The following FGF13 variants were observed in gnomAD, a reference collection of about 807,000 sequenced individuals.
The protein encoded by FGF13 is fibroblast growth factor 13, also known as fibroblast growth factor homologous factor 2.
In FGF13, 2 loss-of-function variants were observed where a neutral mutation model predicts 19.5. That is an observed-to-expected ratio of 0.10 (90% confidence interval 0.04 to 0.32). The LOEUF is 0.32. Among genes scored for constraint, FGF13 ranks in the 10% least tolerant of loss-of-function variants. The pLI is 1.00. For synonymous variants in FGF13, 72 were observed against 76.9 expected, an observed-to-expected ratio of 0.94 and a Z score of 0.33; for missense variants, 113 against 192.7, an observed-to-expected ratio of 0.59 and a Z score of 2.45.
At chrX:138,873,334 G>A (rs2091368455) in intron 1 of FGF13, among the ~76,000 whole-genome samples, 2 of 111,596 alleles carry the variant, frequency 1.8e-5, no homozygotes, top group African/African-American at 6.5e-5. Context: ...GGTACAGACT[G>A]CCACATTAAT....
chrX:138,649,632 TC>T (rs749904116), intron 3 of FGF13, among the ~76,000 whole-genome samples: 1 of 112,324 alleles, frequency 8.9e-6, no homozygotes, highest in African/African-American at 3.2e-5. Context: ...ATAGACTTGT[TC>T]TTTGACTGAC....
chrX:139,145,959 A>G (rs187106071), intron 1 of FGF13, among the ~76,000 whole-genome samples: 6 of 111,908 alleles, frequency 5.4e-5, no homozygotes, highest in African/African-American at 1.6e-4. Context: ...ACCTTATACA[A>G]AAATTAATTC....
chrX:138,869,317 T>C (rs1297053909), intron 1 of FGF13, among the ~76,000 whole-genome samples: 1 of 112,205 alleles, frequency 8.9e-6, no homozygotes, highest in Non-Finnish European at 1.9e-5. Flanking sequence ...GAACCATTTC[T>C]GAAATATGAA....
At chrX:138,696,961 A>G (rs1411797592) in intron 3 of FGF13, among the ~76,000 whole-genome samples, 2 of 112,476 alleles carry the variant, frequency 1.8e-5, no homozygotes, top group East Asian at 5.6e-4. Flanking sequence ...TCCATTTAAT[A>G]TTTATATTTC....
At chrX:139,095,678 A>G (rs1193469808) in intron 1 of FGF13, among the ~76,000 whole-genome samples, 1 of 112,176 alleles carries the variant, frequency 8.9e-6, no homozygotes, top group Non-Finnish European at 1.9e-5. Flanking sequence ...TGAAGATTAC[A>G]TGTGACTTGG....
At chrX:139,121,084 G>A (rs892319969) in intron 1 of FGF13, among the ~76,000 whole-genome samples, 1 of 112,040 alleles carries the variant, frequency 8.9e-6, no homozygotes, top group African/African-American at 3.2e-5. Context: ...ATCATTTATT[G>A]TTGTTTACAT....
At chrX:138,954,010 T>C (rs1441347229) in intron 1 of FGF13, among the ~76,000 whole-genome samples, 1 of 110,576 alleles carries the variant, frequency 9.0e-6, no homozygotes, top group Admixed American at 9.8e-5. Flanking sequence ...AGGGATGTGA[T>C]GTGTGTTATA....
rs752722935 is a variant in FGF13, at chrX:139,182,069, C to T, written c.-113+21347G>A. Among the ~76,000 whole-genome samples, 393 of 77,690 alleles carry T rather than the reference C, an allele frequency of 5.1e-3. 4 individuals carry two copies. The highest frequency in any genetic ancestry group is 7.4e-3 in the Non-Finnish European group (293 of 39,442). 67.5% of individuals were successfully genotyped at this position (77,690 alleles called of 115,157 possible). ...AGAACTTAAGTAATAATAATAATAG[C>T]AAACACTTATATAGAGCTTACTCTG... is the stretch of plus-strand genomic sequence containing the variant. On this transcript the variant is annotated intron_variant, in intron 1 of 2. Coordinates refer to the FGF13 transcript ENST00000421460.
At chrX:139,107,311 G>T (rs1037570099) in intron 1 of FGF13, among the ~76,000 whole-genome samples, 1 of 111,955 alleles carries the variant, frequency 8.9e-6, no homozygotes, top group Non-Finnish European at 1.9e-5. Flanking sequence ...TGAAACAAAA[G>T]CAACTGGTTA....
intron 1 of FGF13, among the ~76,000 whole-genome samples, chrX:138,914,868 C>T (rs746129201): frequency 1.8e-5 from 2 of 111,007 alleles, no homozygotes; most frequent in Non-Finnish European, 3.8e-5. Context: ...AAATGTATCA[C>T]CATCTATACT....
chrX:138,985,121 T>C (rs906950210), intron 1 of FGF13: 1 of 353,193 alleles, frequency 2.8e-6, no homozygotes, highest in Non-Finnish European at 5.7e-6. Context: ...AACATCAACA[T>C]CCTCCATTAG....
chrX:139,112,289 G>A (rs140306354), intron 1 of FGF13, among the ~76,000 whole-genome samples: 1,303 of 111,172 alleles, frequency 0.012, 22 homozygotes, highest in African/African-American at 0.039. Flanking sequence ...AAATAAAATA[G>A]TATTTGTAAA....
intron 3 of FGF13, among the ~76,000 whole-genome samples, chrX:138,758,590 C>A (rs7885880): frequency 0.038 from 4,198 of 111,261 alleles, 182 homozygotes; most frequent in African/African-American, 0.13. Context: ...TCCTCTCACA[C>A]AGGAAATGCA....
intron 3 of FGF13, among the ~76,000 whole-genome samples, chrX:138,832,634 T>A (rs1376939060): frequency 8.9e-6 from 1 of 112,400 alleles, no homozygotes; most frequent in East Asian, 2.8e-4. Flanking sequence ...TTTTGATAGC[T>A]TATTTTGCTG....
chrX:138,962,225 C>T (rs1471067195), intron 1 of FGF13, among the ~76,000 whole-genome samples: 2 of 112,192 alleles, frequency 1.8e-5, no homozygotes. Context: ...ATTTATGCAG[C>T]CAACAGACAC....
At chrX:139,125,944 C>T (rs538445088) in intron 1 of FGF13, among the ~76,000 whole-genome samples, 72 of 112,148 alleles carry the variant, frequency 6.4e-4, no homozygotes, top group African/African-American at 2.3e-3. Context: ...GCCTGGGTTT[C>T]ATCTGTTCAG....
At chrX:138,775,298 T>C (rs983526050) in intron 3 of FGF13, among the ~76,000 whole-genome samples, 12 of 112,237 alleles carry the variant, frequency 1.1e-4, no homozygotes, top group Non-Finnish European at 1.7e-4. Context: ...TTGCAGCACA[T>C]TGATAATCAG....
At position 138,976,282 on chromosome X, in the gene FGF13, C is replaced by A. The variant is rs1333970424; in HGVS notation, c.-112-111632G>T. On this transcript the variant is annotated intron_variant, in intron 1 of 2. Transcript: ENST00000421460. ...TTTTAAAAATTGTGAATTGCAAAGA[C>A]ATACAACAAACCTACGTGTCCATCA... Among the ~76,000 whole-genome samples the A allele has an allele frequency of 2.7e-5, 3 of 111,390 alleles. No individual in the cohort carries two copies. In the East Asian group the frequency reaches 8.5e-4, roughly 31 times the overall value.
chrX:138,929,120 T>C (rs1332896326), intron 1 of FGF13, among the ~76,000 whole-genome samples: 2 of 111,833 alleles, frequency 1.8e-5, no homozygotes, highest in Non-Finnish European at 3.8e-5. Flanking sequence ...CTGGGTGACT[T>C]TGGCATCAGG....
Sources: gnomAD v4.1 joint callset for allele counts (sites outside exome capture counted in the v4.1 genomes callset) on GRCh38, gnomAD v4.1.1 for gene constraint, MANE v1.5 for transcripts, NCBI Gene and HGNC (gene_info 2026-07-23, HGNC 2026-07-21) for gene names.